Variants in FARP1 observed in about 807,000 individuals in gnomAD.
The protein encoded by FARP1 is FERM, ARH/RhoGEF and pleckstrin domain protein 1, also known as FERM, ARHGEF and pleckstrin domain-containing protein 1.
Under a neutral mutation model 128.8 loss-of-function variants are expected in FARP1, and 52 were observed. The ratio of observed to expected loss-of-function variants is 0.40; its 90% CI spans 0.32 to 0.51. The LOEUF is 0.51. Among genes scored for constraint, FARP1 ranks in the 20% least tolerant of loss-of-function variants. The pLI is 0.45. For synonymous variants in FARP1, 580 were observed against 551.8 expected (o/e 1.05, Z -0.72); for missense variants, 1,333 against 1,367.9 (o/e 0.97, Z 0.40).
intron 1 of FARP1, among the ~76,000 whole-genome samples, chr13:98,191,798 C>G (rs566542298): frequency 6.6e-6 from 1 of 152,140 alleles, no homozygotes; most frequent in African/African-American, 2.4e-5. Context: ...CAAAAGTTAG[C>G]TGGGTGTGGT....
At chr13:98,256,277 TAA>T (rs1330732727) in intron 2 of FARP1, among the ~76,000 whole-genome samples, 1 of 152,252 alleles carries the variant, frequency 6.6e-6, no homozygotes, top group African/African-American at 2.4e-5. Flanking sequence ...AATCAGTATT[TAA>T]AATTCGAGGT....
rs1190618088 is a variant in FARP1 at position 98,143,503 on chromosome 13, C to T, written c.-24+11C>T. 6.7e-6 allele frequency: 1 copy of T among 150,074 alleles called. No individual in the cohort carries two copies. The highest frequency in any genetic ancestry group is 2.4e-5 in the African/African-American group (1 of 41,156). The allele number at this position is 150,074 out of a possible 1,614,324, so 9.3% of individuals were successfully genotyped here. On this transcript the variant is annotated intron_variant, in intron 1 of 26. Transcript: ENST00000319562. ...GCCGGCGCTGTGGAGGTAGGAGGCG[C>T]GCGGTGAACAATGACCGCGGCGGGA...
rs141310849 is a variant in FARP1 at position 98,356,621 on chromosome 13, T to TTTTATTTATTTATTTA, written c.277-8754_277-8739dup. On this transcript the variant is annotated intron_variant, in intron 3 of 26. Transcript: ENST00000319562. ...TCATTAAGAAATTACCCTTTTAAAA[T>TTTTATTTATTTATTTA]TTTATTTATTTATTTATTTATTTAT... Among the ~76,000 whole-genome samples, 847 of 144,364 alleles carry TTTTATTTATTTATTTA rather than the reference T, an allele frequency of 5.9e-3. 13 individuals are homozygous for TTTTATTTATTTATTTA. The highest frequency in any genetic ancestry group is 0.015 in the South Asian group (66 of 4,430). 94.7% of individuals were successfully genotyped at this position (144,364 alleles called of 152,430 possible).
intron 3 of FARP1, among the ~76,000 whole-genome samples, chr13:98,346,838 G>C (rs1888198299): frequency 6.6e-6 from 1 of 152,206 alleles, no homozygotes; most frequent in Non-Finnish European, 1.5e-5. Context: ...CCAGGGTCTT[G>C]GGTGTGTTCT....
chr13:98,186,817 C>A (rs1878905937), intron 1 of FARP1, among the ~76,000 whole-genome samples: 1 of 151,560 alleles, frequency 6.6e-6, no homozygotes, highest in Non-Finnish European at 1.5e-5. Flanking sequence ...CGTGGTGAAA[C>A]TCCATCTCTA....
At chr13:98,369,902 A>T (rs1230076865) in intron 5 of FARP1, among the ~76,000 whole-genome samples, 1 of 152,218 alleles carries the variant, frequency 6.6e-6, no homozygotes, top group Non-Finnish European at 1.5e-5. Context: ...ATCATTGATC[A>T]TCATTTATCA....
intron 2 of FARP1, among the ~76,000 whole-genome samples, chr13:98,314,308 T>C (rs1157839572): frequency 2.9e-5 from 4 of 136,466 alleles, no homozygotes; most frequent in Non-Finnish European, 6.2e-5. Context: ...TGAGATGGAG[T>C]CTTGCTTTGT....
At chr13:98,365,617 T>C (rs550072219) in intron 4 of FARP1, among the ~76,000 whole-genome samples, 180 bp downstream of exon 4, 4 of 152,376 alleles carry the variant, frequency 2.6e-5, no homozygotes, top group African/African-American at 9.6e-5. Context: ...GCAGTTTTAA[T>C]GTGTAACAGT....
intron 2 of FARP1, among the ~76,000 whole-genome samples, chr13:98,237,029 C>A (rs555572230): frequency 2.0e-5 from 3 of 151,012 alleles, no homozygotes; most frequent in Non-Finnish European, 4.4e-5. Flanking sequence ...TTAGGCCGGG[C>A]GCGTGTGGCT....
intron 3 of FARP1, among the ~76,000 whole-genome samples, chr13:98,363,249 G>A (rs1180859046): frequency 6.6e-6 from 1 of 152,152 alleles, no homozygotes; most frequent in Non-Finnish European, 1.5e-5. Context: ...CAGGACTAGG[G>A]TTTTTACTGT....
At chr13:98,301,439 G>A (rs1042452402) in intron 2 of FARP1, among the ~76,000 whole-genome samples, 18 of 152,158 alleles carry the variant, frequency 1.2e-4, no homozygotes, top group African/African-American at 3.9e-4. Context: ...CAAGCCTTCT[G>A]CGGAGGTGTG....
At chr13:98,202,357 A>T (rs1223713829) in intron 1 of FARP1, among the ~76,000 whole-genome samples, 2 of 152,086 alleles carry the variant, frequency 1.3e-5, no homozygotes. Context: ...GCACATCCAC[A>T]CTTCTTTGCT....
chr13:98,351,410 A>G (rs1234279492), intron 3 of FARP1, among the ~76,000 whole-genome samples: 1 of 152,198 alleles, frequency 6.6e-6, no homozygotes, highest in Non-Finnish European at 1.5e-5. Context: ...CAGGAGATCA[A>G]GACCATCCTG....
chr13:98,423,597 A>T (rs1332233107), intron 16 of FARP1, among the ~76,000 whole-genome samples: 1 of 152,212 alleles, frequency 6.6e-6, no homozygotes, highest in Non-Finnish European at 1.5e-5. Flanking sequence ...CACAACGGTT[A>T]GGCGTGTGGC....
At chr13:98,224,546 G>GAAA (rs11450140) in intron 2 of FARP1, among the ~76,000 whole-genome samples, 6 of 104,960 alleles carry the variant, frequency 5.7e-5, no homozygotes, top group African/African-American at 1.6e-4. Context: ...AAAAAAAAAA[G>GAAA]AAAAAAAAAA....
At chr13:98,344,016 C>T (rs1301786714) in intron 3 of FARP1, 150 bp downstream of exon 3, 5 of 637,872 alleles carry the variant, frequency 7.8e-6, no homozygotes, top group Admixed American at 4.8e-5. Context: ...GTATTTGACA[C>T]CTCAGTACCT....
intron 2 of FARP1, among the ~76,000 whole-genome samples, chr13:98,305,704 T>C (rs1886118865): frequency 6.6e-6 from 1 of 152,158 alleles, no homozygotes; most frequent in Admixed American, 6.5e-5. Context: ...ACAACCTCTT[T>C]CCTCATTTCT....
chr13:98,411,421 T>C lies in FARP1; in HGVS notation c.1693-480T>C, dbSNP rs1188229490. 5.9e-5 allele frequency among the ~76,000 whole-genome samples: 9 copies of C among 152,148 alleles called. No individual in the cohort carries two copies. In the South Asian group the frequency reaches 1.4e-3, roughly 24 times the overall value. The stretch of plus-strand genomic sequence containing the variant: ...GCCCTTGACAGGTGCTCGCTAAGCG[T>C]TGTGAACCCAGCTCACCTCAGCGAC... On this transcript the variant is annotated intron_variant, in intron 15 of 26. Transcript: ENST00000319562.
chr13:98,211,048 T>C (rs1407541371), intron 1 of FARP1, among the ~76,000 whole-genome samples: 1 of 152,166 alleles, frequency 6.6e-6, no homozygotes, highest in African/African-American at 2.4e-5. Context: ...TCTTTAGTTA[T>C]ATATAGTACC....
Sources: allele counts gnomAD v4.1 joint callset (sites outside exome capture counted in the v4.1 genomes callset), GRCh38; gene constraint gnomAD v4.1.1; transcripts MANE v1.5; gene names NCBI Gene and HGNC (gene_info 2026-07-23, HGNC 2026-07-21).